The following DCC variants were observed in gnomAD, a reference collection of about 807,000 sequenced individuals.
The protein encoded by DCC is netrin receptor DCC.
DCC carries 58 observed loss-of-function variants against 172.5 expected under a neutral mutation model. The ratio of observed to expected loss-of-function variants is 0.34; its 90% CI spans 0.27 to 0.42. DCC has a LOEUF of 0.42. DCC is among the 10% of genes least tolerant of loss of function. The pLI is 1.00. For missense variants in DCC, 1,740 were observed against 1,791.0 expected (o/e 0.97, Z 0.51); for synonymous variants, 709 against 644.5 (o/e 1.10, Z -1.52).
chr18:53,154,182 C>T (rs1373874980), intron 7 of DCC, among the ~76,000 whole-genome samples: 2 of 152,146 alleles, frequency 1.3e-5, no homozygotes, highest in Non-Finnish European at 2.9e-5. Context: ...AACTCTGAGG[C>T]ATGTCCTGTA....
At chr18:52,510,498 T>A (rs1396995855) in intron 1 of DCC, among the ~76,000 whole-genome samples, 2 of 151,754 alleles carry the variant, frequency 1.3e-5, no homozygotes, top group Non-Finnish European at 2.9e-5. Flanking sequence ...GGGTTGCCCC[T>A]TAGAGCTTGA....
chr18:53,351,312 T>TATAC (rs1329069848), intron 15 of DCC, among the ~76,000 whole-genome samples: 1 of 26,842 alleles, frequency 3.7e-5, no homozygotes, highest in Admixed American at 6.9e-4. Context: ...TATATATATA[T>TATAC]ATACACTGTA....
chr18:53,363,105 G>T (rs953432401), intron 15 of DCC, among the ~76,000 whole-genome samples: 1 of 152,124 alleles, frequency 6.6e-6, no homozygotes, highest in Non-Finnish European at 1.5e-5. Context: ...AAATCCCTTA[G>T]CTAGTTAAGT....
chr18:52,433,164 T>G (rs1987680647), intron 1 of DCC, among the ~76,000 whole-genome samples: 1 of 152,172 alleles, frequency 6.6e-6, no homozygotes, highest in Non-Finnish European at 1.5e-5. Context: ...TTTAGGAAAC[T>G]AAATAGAAAA....
At chr18:52,410,564 T>A (rs546933079) in intron 1 of DCC, among the ~76,000 whole-genome samples, 1 of 152,270 alleles carries the variant, frequency 6.6e-6, no homozygotes, top group South Asian at 2.1e-4. Flanking sequence ...TCCTATTATA[T>A]GACTGAGAAA....
In DCC at chr18:53,225,983, T is replaced by A. The variant is rs1261740728; in HGVS notation, c.1911+10386T>A. Among the ~76,000 whole-genome samples the A allele has an allele frequency of 1.3e-5, 2 of 151,596 alleles. 1 individual carries two copies. ...AGAAAAAAATGGGCATGGGGCAGAG[T>A]GGTGATGGATAACAGAAAAATAGTA... On this transcript the variant is annotated intron_variant, in intron 12 of 28. Transcript: ENST00000442544.
intron 12 of DCC, among the ~76,000 whole-genome samples, chr18:53,257,577 G>A (rs1244903641): frequency 6.6e-6 from 1 of 152,186 alleles, no homozygotes; most frequent in Non-Finnish European, 1.5e-5. Context: ...TGATCATAGT[G>A]GATAAGCTTT....
intron 5 of DCC, among the ~76,000 whole-genome samples, chr18:52,979,452 A>T (rs1299419577): frequency 6.6e-6 from 1 of 152,196 alleles, no homozygotes; most frequent in Non-Finnish European, 1.5e-5. Flanking sequence ...AGTCATATAC[A>T]TGACACTGAT....
At chr18:52,656,059 T>G in intron 1 of DCC, among the ~76,000 whole-genome samples, 1 of 138,468 alleles carries the variant, frequency 7.2e-6, no homozygotes, top group Admixed American at 7.4e-5. Context: ...TGTATATATG[T>G]GTATATATAT....
chr18:52,723,690 A>G (rs192906653), intron 1 of DCC, among the ~76,000 whole-genome samples: 3 of 152,326 alleles, frequency 2.0e-5, no homozygotes, highest in Admixed American at 2.0e-4. Context: ...AGTCAGGCTC[A>G]TAAGGGCTTC....
intron 5 of DCC, among the ~76,000 whole-genome samples, chr18:52,961,781 C>T (rs1049276432): frequency 2.0e-5 from 3 of 152,088 alleles, no homozygotes; most frequent in Non-Finnish European, 2.9e-5. Flanking sequence ...TGGAACAGAA[C>T]AGAGCCCTCA....
rs183622514 is a variant in DCC, at chr18:53,230,592, A to C, written c.1911+14995A>C. Among the ~76,000 whole-genome samples the C allele has an allele frequency of 3.3e-4, 50 of 152,144 alleles. No individual in the cohort carries two copies. In the Middle Eastern group the frequency reaches 0.017, roughly 52 times the overall value. On this transcript the variant is annotated intron_variant, in intron 12 of 28. Coordinates refer to ENST00000442544, the MANE Select transcript of DCC (RefSeq NM_005215.4). ...ATACTGATATTCCTTAAGAAGCCTT[A>C]TTTTTAAATAATCTGAAATTTAAAT...
At chr18:53,158,704 A>G (rs1036917946) in intron 8 of DCC, among the ~76,000 whole-genome samples, 2 of 152,006 alleles carry the variant, frequency 1.3e-5, no homozygotes, top group Non-Finnish European at 2.9e-5. Context: ...AAATGAAAGG[A>G]AAGAGGCTGG....
At chr18:53,217,310 T>TACACAC (rs34151927) in intron 12 of DCC, among the ~76,000 whole-genome samples, 1 of 148,410 alleles carries the variant, frequency 6.7e-6, no homozygotes, top group Non-Finnish European at 1.5e-5. Flanking sequence ...CATATGTATA[T>TACACAC]ACACACACAC....
chr18:53,322,630 A>C (rs983782404), intron 14 of DCC, among the ~76,000 whole-genome samples: 1 of 151,952 alleles, frequency 6.6e-6, no homozygotes, highest in Non-Finnish European at 1.5e-5. Flanking sequence ...TATAAAAGAC[A>C]ACTTACTTTA....
chr18:53,458,523 C>T (rs148048565), intron 23 of DCC, among the ~76,000 whole-genome samples: 179 of 152,288 alleles, frequency 1.2e-3, no homozygotes, highest in African/African-American at 4.0e-3. Context: ...ATCTCACTAG[C>T]CTCAAGAAGA....
intron 2 of DCC, among the ~76,000 whole-genome samples, chr18:52,846,554 A>T (rs1213482156): frequency 6.7e-6 from 1 of 150,120 alleles, no homozygotes; most frequent in Non-Finnish European, 1.5e-5. Context: ...GAAAAAAAAA[A>T]TTCAGATTTA....
At chr18:52,414,707 G>A (rs1454215937) in intron 1 of DCC, among the ~76,000 whole-genome samples, 1 of 152,168 alleles carries the variant, frequency 6.6e-6, no homozygotes, top group Non-Finnish European at 1.5e-5. Flanking sequence ...GTGGTCATAG[G>A]AACCTGAATG....
chr18:53,427,179 T>C (rs1911025705), intron 21 of DCC, among the ~76,000 whole-genome samples: 1 of 152,128 alleles, frequency 6.6e-6, no homozygotes, highest in Non-Finnish European at 1.5e-5. Context: ...CTCTTGGAAA[T>C]ATCTAGTCAT....
Sources: gnomAD v4.1 joint callset for allele counts (sites outside exome capture counted in the v4.1 genomes callset) on GRCh38, gnomAD v4.1.1 for gene constraint, MANE v1.5 for transcripts, NCBI Gene and HGNC (gene_info 2026-07-23, HGNC 2026-07-21) for gene names.